Variants in TPP2 observed in about 807,000 individuals in gnomAD.
TPP2 encodes the protein tripeptidyl peptidase 2, also known as tripeptidyl-peptidase 2.
In TPP2, 34 loss-of-function variants were observed where a neutral mutation model predicts 155.9. The observed-to-expected ratio is 0.22, with a 90% CI of 0.17 to 0.29. TPP2 has a LOEUF of 0.29. Ranked by LOEUF, TPP2 falls within the 10% of genes least tolerant of loss-of-function variation. TPP2 has a pLI of 1.00. For synonymous variants in TPP2, 510 were observed against 529.4 expected (o/e 0.96, Z 0.50); for missense variants, 1,028 against 1,522.3 (o/e 0.68, Z 5.40).
At chr13:102,646,216 A>T in intron 19 of TPP2, 78 bp from the exon 20 acceptor site, 1 of 1,208,266 alleles carries the variant, frequency 8.3e-7, no homozygotes, top group Non-Finnish European at 1.2e-6. Context: ...TATGTTACAG[A>T]TTTTGTTGCA....
intron 11 of TPP2, among the ~76,000 whole-genome samples, chr13:102,634,638 C>T (rs190489659): frequency 5.8e-4 from 88 of 152,282 alleles, no homozygotes; most frequent in African/African-American, 1.6e-3. Flanking sequence ...CTTTCTTCCC[C>T]GCTTTTCTCA....
chr13:102,600,751 C>T (rs565548417), intron 1 of TPP2, among the ~76,000 whole-genome samples: 77 of 152,292 alleles, frequency 5.1e-4, no homozygotes, highest in African/African-American at 1.8e-3. Flanking sequence ...CGAGTAGTTT[C>T]ATAAAACTCT....
chr13:102,635,605 T>C lies in TPP2; in HGVS notation c.1412T>C (p.Ile471Thr), dbSNP rs1882317848. ...LILSGLKANNIDYTVHSVRRA... is the reference protein window; with the variant it reads ...LILSGLKANNTDYTVHSVRRA... ...ATTTTAGGTCTGAAAGCTAATAACA[T>C]TGACTACACAGTTCATTCAGTCAGA... The change falls in exon 12 of 30, where the codon ATT (isoleucine) becomes ACT (threonine). Residue 471 changes from isoleucine (I) to threonine (T), a missense_variant. By Grantham distance (89) the Ile-to-Thr change is moderately conservative (BLOSUM62 -1). Coordinates refer to ENST00000376052, the MANE Select transcript of TPP2 (RefSeq NM_001330588.2). The C allele has an allele frequency of 6.2e-7, 1 of 1,612,436 alleles. No homozygotes were observed.
chr13:102,616,330 A>T, intron 3 of TPP2, 66 bp from the exon 4 acceptor site: 2 of 1,282,474 alleles, frequency 1.6e-6, no homozygotes, highest in Non-Finnish European at 2.2e-6. Context: ...CCACATATAA[A>T]TGCCTGTCTA....
chr13:102,622,065 C>G (rs1031670246), intron 5 of TPP2, among the ~76,000 whole-genome samples: 32 of 151,972 alleles, frequency 2.1e-4, no homozygotes, highest in African/African-American at 7.7e-4. Flanking sequence ...TCCTTTTTTC[C>G]AAAGTGTTGT....
chr13:102,605,738 T>TC (rs1403767277), intron 2 of TPP2, among the ~76,000 whole-genome samples: 5 of 151,728 alleles, frequency 3.3e-5, no homozygotes, highest in Non-Finnish European at 7.4e-5. Flanking sequence ...CTTTTTTTTT[T>TC]CGAGACATAG....
In TPP2 at chr13:102,649,125, C is replaced by A; in HGVS notation, c.2847C>A (p.Phe949Leu). 6.2e-7 allele frequency: 1 copy of A among 1,610,832 alleles called. No homozygotes were observed. Among genetic ancestry groups the A allele is most frequent in the South Asian group, 1.1e-5 (1 of 90,468 alleles). ...LTLPPKYNQP[F>L]FVTSLPDDKI... ...TACCACCCAAATATAACCAGCCATT[C>A]TTTGTTACTTCCTTACCTGATGATA... Residue 949 changes from phenylalanine to leucine, a missense_variant, in exon 22 of 30, where the codon TTC (phenylalanine) becomes TTA (leucine). This residue lies in a region of TPP2 where 179 missense variants were observed against 274.7 expected (regional missense o/e 0.65). Transcript: ENST00000376052.
rs761393778 is a variant in TPP2, at chr13:102,596,999, C to T, written c.-40C>T. The T allele has an allele frequency of 1.9e-6, 3 of 1,600,372 alleles. No individual in the cohort carries two copies. The highest frequency in any genetic ancestry group is 2.6e-6 in the Non-Finnish European group (3 of 1,174,096). ...CCTCGCGCTGCTAGTCCGCGCGCAG[C>T]CTGGCAGTTTGCCGCTTCCTCGTCC... is the stretch of plus-strand genomic sequence containing the variant. On this transcript the variant is annotated 5_prime_UTR_variant, in exon 1 of 30. Transcript: ENST00000376052.
chr13:102,604,739 T>G (rs1001033802), intron 1 of TPP2, 54 bp from the exon 2 acceptor site: 1 of 1,569,638 alleles, frequency 6.4e-7, no homozygotes, highest in Non-Finnish European at 8.7e-7. Context: ...TTGCATTGTT[T>G]AGGAATAAAA....
chr13:102,630,024 C>T (rs1382031515), intron 9 of TPP2, 72 bp from the exon 10 acceptor site: 1 of 1,302,474 alleles, frequency 7.7e-7, no homozygotes, highest in African/African-American at 1.5e-5. Context: ...GCAGTTTACT[C>T]AAGTGAACAG....
chr13:102,629,237 T>C (rs539665214), intron 8 of TPP2, among the ~76,000 whole-genome samples: 25 of 152,316 alleles, frequency 1.6e-4, no homozygotes, highest in African/African-American at 5.8e-4. Context: ...TACTACCTTG[T>C]AGTATATTTT....
intron 2 of TPP2, among the ~76,000 whole-genome samples, chr13:102,606,327 G>A (rs1241308646): frequency 2.6e-5 from 4 of 152,258 alleles, no homozygotes; most frequent in East Asian, 1.9e-4. Flanking sequence ...AGACTTAGCC[G>A]CCTAAAACCT....
chr13:102,669,802 C>A (rs868773248), intron 27 of TPP2, among the ~76,000 whole-genome samples: 5 of 152,020 alleles, frequency 3.3e-5, no homozygotes, highest in Non-Finnish European at 7.4e-5. Context: ...TTGATCATTG[C>A]CATAAGCTAG....
At chr13:102,648,787 A>G (rs1883311912) in intron 21 of TPP2, 120 bp from the exon 22 acceptor site, 1 of 1,333,038 alleles carries the variant, frequency 7.5e-7, no homozygotes, top group Non-Finnish European at 1.0e-6. Flanking sequence ...AGTTCCTTGC[A>G]CTGTACCTCA....
chr13:102,597,381 C>G (rs533121649), intron 1 of TPP2, among the ~76,000 whole-genome samples, 178 bp downstream of exon 1: 1 of 152,146 alleles, frequency 6.6e-6, no homozygotes. Context: ...GGGCGCCCGC[C>G]AAGGGGACTC....
At chr13:102,627,601 C>T (rs1041216654) in intron 7 of TPP2, among the ~76,000 whole-genome samples, 1 of 151,280 alleles carries the variant, frequency 6.6e-6, no homozygotes, top group African/African-American at 2.4e-5. Flanking sequence ...CCCTCTAACC[C>T]CACTCTTTTC....
At chr13:102,604,165 T>A (rs575147029) in intron 1 of TPP2, among the ~76,000 whole-genome samples, 5 of 152,098 alleles carry the variant, frequency 3.3e-5, no homozygotes, top group African/African-American at 1.2e-4. Context: ...TAGTGTGGCA[T>A]CCAATAATGG....
rs771533347 is a variant in TPP2, at chr13:102,622,998, A to G, written c.742A>G (p.Ile248Val). ...TGAGATGTTGAATTACTCCGTTAATATATACGATGATGGAAACCTGCTCTC... is the reference window on the plus strand; with the variant it reads ...TGAGATGTTGAATTACTCCGTTAATGTATACGATGATGGAAACCTGCTCTC... ...TAEMLNYSVN[I>V]YDDGNLLSIV... The change falls in exon 6 of 30, where the codon ATA becomes GTA. Residue 248 changes from isoleucine (I) to valine (V), a missense_variant. Coordinates refer to ENST00000376052, the MANE Select transcript of TPP2 (RefSeq NM_001330588.2). 8 of 1,613,716 alleles carry G rather than the reference A, an allele frequency of 5.0e-6. No homozygotes were observed. Among genetic ancestry groups the G allele is most frequent in the African/African-American group, 1.3e-5 (1 of 74,918 alleles).
At chr13:102,609,500 C>T (rs1214430460) in intron 2 of TPP2, among the ~76,000 whole-genome samples, 2 of 146,128 alleles carry the variant, frequency 1.4e-5, no homozygotes, top group African/African-American at 5.1e-5. Flanking sequence ...CGGGTTCAAG[C>T]GATTCTCCTG....
Sources: allele counts gnomAD v4.1 joint callset (sites outside exome capture counted in the v4.1 genomes callset), GRCh38; gene constraint gnomAD v4.1.1; regional missense constraint gnomAD v4.1.1; transcripts MANE v1.5; gene names NCBI Gene and HGNC (gene_info 2026-07-23, HGNC 2026-07-21).